CAMSAP2: variants seen among roughly 807,000 people sequenced by gnomAD.
The protein encoded by CAMSAP2 is calmodulin regulated spectrin associated protein family member 2, also known as calmodulin-regulated spectrin-associated protein 2.
CAMSAP2 carries 26 observed loss-of-function variants against 146.1 expected under a neutral mutation model. That is an observed-to-expected ratio of 0.18 (90% CI 0.13 to 0.25). The LOEUF is 0.25. CAMSAP2 is among the 10% of genes least tolerant of loss of function. CAMSAP2 has a pLI of 1.00. For synonymous variants in CAMSAP2, 499 were observed against 596.6 expected, an observed-to-expected ratio of 0.84 and a Z score of 2.38; for missense variants, 1,381 against 1,759.3, an observed-to-expected ratio of 0.78 and a Z score of 3.85.
At chr1:200,767,337 G>C (rs1664981868) in intron 2 of CAMSAP2, among the ~76,000 whole-genome samples, 1 of 150,758 alleles carries the variant, frequency 6.6e-6, no homozygotes, top group African/African-American at 2.4e-5. Context: ...ACTCCAGCCT[G>C]GGCAACAGAG....
At chr1:200,841,395 C>T (rs146166502) in intron 6 of CAMSAP2, among the ~76,000 whole-genome samples, 11 of 152,218 alleles carry the variant, frequency 7.2e-5, no homozygotes, top group East Asian at 1.9e-4. Flanking sequence ...TACAGGCACG[C>T]GCCACCACAC....
chr1:200,854,973 GT>G, intron 14 of CAMSAP2, 84 bp downstream of exon 14: 1 of 1,019,092 alleles, frequency 9.8e-7, no homozygotes, highest in Non-Finnish European at 1.4e-6. Flanking sequence ...ATTCTTCAGT[GT>G]TTTTACATTT....
At position 200,817,157 on chromosome 1, in the gene CAMSAP2, TACACACACGTGTGTGTATATAC is replaced by T. The variant is rs1558191936; in HGVS notation, c.645+1522_645+1543del. ...ATGTGTATATATACACATACACACA[TACACACACGTGTGTGTATATAC>T]ACACACACACATGTGTGTGTGTATA... On this transcript the variant is annotated intron_variant, in intron 4 of 16. Transcript: ENST00000358823. Among the ~76,000 whole-genome samples, 13 of 95,992 alleles carry T rather than the reference TACACACACGTGTGTGTATATAC, an allele frequency of 1.4e-4. No individual in the cohort carries two copies. In the East Asian group the frequency reaches 1.4e-3, roughly 11 times the overall value. The allele number at this position is 95,992 out of a possible 152,430, so 63.0% of individuals were successfully genotyped here.
intron 4 of CAMSAP2, among the ~76,000 whole-genome samples, chr1:200,822,138 CTACACA>C (rs1356002834): frequency 8.5e-6 from 1 of 117,362 alleles, no homozygotes; most frequent in Non-Finnish European, 1.7e-5. Flanking sequence ...CTCTCTCGCT[CTACACA>C]CACACACACA....
chr1:200,770,718 A>G (rs1665092887), intron 2 of CAMSAP2, among the ~76,000 whole-genome samples: 2 of 151,986 alleles, frequency 1.3e-5, no homozygotes, highest in Non-Finnish European at 2.9e-5. Context: ...CTGGCCTACT[A>G]TTTCTATAGT....
At chr1:200,784,325 G>A (rs1470739790) in intron 2 of CAMSAP2, among the ~76,000 whole-genome samples, 2 of 151,862 alleles carry the variant, frequency 1.3e-5, no homozygotes, top group African/African-American at 4.8e-5. Flanking sequence ...AAAAAAGCTT[G>A]CTAGGATTTA....
chr1:200,747,569 A>T (rs1048826176), intron 1 of CAMSAP2, among the ~76,000 whole-genome samples: 2 of 150,218 alleles, frequency 1.3e-5, no homozygotes, highest in African/African-American at 4.8e-5. Context: ...AGTAAAGAGG[A>T]TTTATTGTTT....
rs897857116 is a variant in CAMSAP2 at position 200,853,287 on chromosome 1, G to A, written c.3615G>A (p.Glu1205=). 3 of 1,612,834 alleles carry A rather than the reference G, an allele frequency of 1.9e-6. No homozygotes were observed. Among genetic ancestry groups the A allele is most frequent in the Admixed American group, 1.7e-5 (1 of 59,972 alleles). The part of the protein sequence containing the change: ...HKKEETRRKT[E]EERQKKEDER... ...TTTGATTTCTTAGGCGTAAAACTGA[G>A]GAAGAACGTCAGAAGAAAGAAGATG... is the stretch of plus-strand genomic sequence containing the variant. The change falls in exon 13 of 17, where the codon GAG becomes GAA. Residue 1205 remains glutamate, a synonymous_variant. Transcript: ENST00000358823. The surrounding 1 kb of genome is among the most constrained non-coding windows in gnomAD (Gnocchi z 5.1).
Position 200,832,485 on chromosome 1 carries a change from CT to C in CAMSAP2, c.787+152del, listed in dbSNP as rs983644038. Reference sequence around the variant, plus strand: ...AATATTATTTAATAAGTACTGAAGACTTTTTTTTAAAAATAAAGAACATTTA... The same window carrying C: ...AATATTATTTAATAAGTACTGAAGACTTTTTTTAAAAATAAAGAACATTTA... On this transcript the variant is annotated intron_variant, in intron 5 of 16. Transcript: ENST00000358823. This position sits in a 1 kb window ranked among gnomAD's most constrained non-coding sequence, Gnocchi z 4.2. 33 of 859,030 alleles carry C rather than the reference CT, an allele frequency of 3.8e-5. No homozygotes were observed. The highest frequency in any genetic ancestry group is 5.7e-5 in the South Asian group (2 of 34,874). 53.2% of individuals were successfully genotyped at this position (859,030 alleles called of 1,614,324 possible). A position where few individuals can be genotyped will look rare whatever the true frequency, so the allele number is the denominator to read the frequency against.
intron 4 of CAMSAP2, among the ~76,000 whole-genome samples, chr1:200,824,852 G>A (rs1256158068): frequency 6.6e-6 from 1 of 152,102 alleles, no homozygotes; most frequent in South Asian, 2.1e-4. Flanking sequence ...GTTGGCATGC[G>A]CCCGTAATCC....
chr1:200,832,370 C>T lies in CAMSAP2; in HGVS notation c.787+29C>T. 1 of 1,585,178 alleles carries T rather than the reference C, an allele frequency of 6.3e-7. No homozygotes were observed. The highest frequency in any genetic ancestry group is 8.6e-7 in the Non-Finnish European group (1 of 1,166,532). ...AGTGTTCCATTGTAATACTTCTGAA[C>T]TGTAGACAGATAGTAACCAATATTT... On this transcript the variant is annotated intron_variant, in intron 5 of 16. Transcript: ENST00000358823. The surrounding 1 kb of genome is among the most constrained non-coding windows in gnomAD (Gnocchi z 4.2).
intron 4 of CAMSAP2, among the ~76,000 whole-genome samples, chr1:200,817,163 C>T (rs572838175): frequency 2.6e-4 from 20 of 75,482 alleles, no homozygotes; most frequent in African/African-American, 9.2e-4. Context: ...CACATACACA[C>T]ACGTGTGTGT....
At chr1:200,851,261 C>T (rs551810501) in intron 11 of CAMSAP2, among the ~76,000 whole-genome samples, 5 of 152,214 alleles carry the variant, frequency 3.3e-5, no homozygotes, top group East Asian at 1.9e-4. Flanking sequence ...AGTACAATGG[C>T]GCAATCTCGG....
At chr1:200,807,603 C>T (rs1328017886) in intron 3 of CAMSAP2, 66 bp downstream of exon 3, 16 of 1,143,890 alleles carry the variant, frequency 1.4e-5, no homozygotes, top group Non-Finnish European at 1.9e-5. Context: ...CTAAATTATA[C>T]ATTGCCACTT....
chr1:200,749,860 G>T (rs1197740785), intron 1 of CAMSAP2, among the ~76,000 whole-genome samples: 1 of 152,172 alleles, frequency 6.6e-6, no homozygotes, highest in East Asian at 1.9e-4. Context: ...CTGAGAATCT[G>T]AAAGGAGGTA....
At chr1:200,806,765 GTATCTATC>G (rs149381434) in intron 2 of CAMSAP2, among the ~76,000 whole-genome samples, 22,107 of 139,970 alleles carry the variant, frequency 0.16, 1,848 homozygotes, top group Middle Eastern at 0.22. Flanking sequence ...GTGTGTGTGT[GTATCTATC>G]TATCTATCTA....
intron 15 of CAMSAP2, among the ~76,000 whole-genome samples, chr1:200,856,836 C>T (rs1667762871): frequency 1.3e-5 from 2 of 152,180 alleles, no homozygotes; most frequent in Non-Finnish European, 2.9e-5. Flanking sequence ...TTAATACTAC[C>T]TCCTACCGCC....
At chr1:200,790,347 G>A (rs765737459) in intron 2 of CAMSAP2, among the ~76,000 whole-genome samples, 3 of 152,140 alleles carry the variant, frequency 2.0e-5, no homozygotes, top group Admixed American at 1.3e-4. Context: ...TGGGGGCAGC[G>A]GGGCTGGGGG....
intron 2 of CAMSAP2, among the ~76,000 whole-genome samples, chr1:200,792,849 C>T (rs1665791404): frequency 6.6e-6 from 1 of 152,076 alleles, no homozygotes; most frequent in African/African-American, 2.4e-5. Flanking sequence ...TAATTATATC[C>T]ATATCAGTAT....
Sources: gnomAD v4.1 joint callset for allele counts (sites outside exome capture counted in the v4.1 genomes callset) on GRCh38, gnomAD v4.1.1 for gene constraint, Gnocchi (gnomAD v3.1) non-coding constraint, MANE v1.5 for transcripts, NCBI Gene and HGNC (gene_info 2026-07-23, HGNC 2026-07-21) for gene names.